PPP2R2B: variants seen among roughly 807,000 people sequenced by gnomAD.
PPP2R2B encodes protein phosphatase 2 regulatory subunit Bbeta, also known as serine/threonine-protein phosphatase 2A 55 kDa regulatory subunit B beta isoform.
Under a neutral mutation model 46.0 loss-of-function variants are expected in PPP2R2B, and 5 were observed. The ratio of observed to expected loss-of-function variants is 0.11; its 90% CI spans 0.06 to 0.23. The LOEUF (loss-of-function observed/expected upper bound fraction) is 0.23, where lower values mean the gene tolerates loss of function less well. Among genes scored for constraint, PPP2R2B ranks in the 10% least tolerant of loss-of-function variants. PPP2R2B has a pLI of 1.00. For synonymous variants in PPP2R2B, 215 were observed against 206.7 expected (o/e 1.04, Z -0.34); for missense variants, 367 against 575.0 (o/e 0.64, Z 3.70).
At chr5:146,663,736 T>G (rs1187257820) in intron 5 of PPP2R2B, among the ~76,000 whole-genome samples, 1 of 152,234 alleles carries the variant, frequency 6.6e-6, no homozygotes, top group African/African-American at 2.4e-5. Flanking sequence ...ATAATCTTTT[T>G]GCGGGTAGAT....
chr5:146,671,030 T>C (rs1777329778), intron 5 of PPP2R2B, among the ~76,000 whole-genome samples: 1 of 152,180 alleles, frequency 6.6e-6, no homozygotes, highest in Non-Finnish European at 1.5e-5. Flanking sequence ...GTAAGTGTTA[T>C]GAGAGAGGTT....
rs544909960 is a variant in PPP2R2B, at chr5:146,947,363, C to T, written c.79+108302G>A. Among the ~76,000 whole-genome samples the T allele has an allele frequency of 3.3e-5, 5 of 152,176 alleles. No homozygotes were observed. In the South Asian group the frequency reaches 1.0e-3, roughly 32 times the overall value. On this transcript the variant is annotated intron_variant, in intron 1 of 8. Transcript: ENST00000336640. ...TGGTTTAGACATCTGTGCAGTCTGCCCTCTAGTGATTGGATCAGGATCAAC... is the reference window on the plus strand; with the variant it reads ...TGGTTTAGACATCTGTGCAGTCTGCTCTCTAGTGATTGGATCAGGATCAAC...
chr5:146,830,268 T>C (rs1252530487), intron 2 of PPP2R2B, among the ~76,000 whole-genome samples: 1 of 152,226 alleles, frequency 6.6e-6, no homozygotes, highest in Non-Finnish European at 1.5e-5. Context: ...AGGAATGTGA[T>C]AAGTAAACTA....
chr5:146,856,253 C>T (rs141740797), intron 2 of PPP2R2B, among the ~76,000 whole-genome samples: 142 of 152,296 alleles, frequency 9.3e-4, no homozygotes, highest in Non-Finnish European at 1.5e-3. Context: ...TCCCCATGTA[C>T]ATTTGGTCAA....
chr5:146,632,572 C>G (rs1359066737), intron 7 of PPP2R2B, among the ~76,000 whole-genome samples: 1 of 152,080 alleles, frequency 6.6e-6, no homozygotes. Context: ...AAGTCCCTGT[C>G]TTCATAAAGA....
chr5:146,905,272 G>C (rs1762960442), intron 1 of PPP2R2B, among the ~76,000 whole-genome samples: 1 of 152,126 alleles, frequency 6.6e-6, no homozygotes, highest in South Asian at 2.1e-4. Flanking sequence ...ATCCACTCCT[G>C]TATATTTATT....
intron 2 of PPP2R2B, among the ~76,000 whole-genome samples, chr5:146,860,684 C>G (rs1402716139): frequency 6.6e-6 from 1 of 152,176 alleles, no homozygotes; most frequent in Admixed American, 6.5e-5. Context: ...ATTAAAACCA[C>G]CCTCTGTGTC....
intron 2 of PPP2R2B, among the ~76,000 whole-genome samples, chr5:146,817,981 C>A (rs2151329197): frequency 6.6e-6 from 1 of 152,346 alleles, no homozygotes; most frequent in Middle Eastern, 3.4e-3. Flanking sequence ...ACCTCATGGC[C>A]TTGCCTATGC....
chr5:146,925,550 T>G (rs1240600215), intron 1 of PPP2R2B, among the ~76,000 whole-genome samples: 2 of 152,206 alleles, frequency 1.3e-5, no homozygotes, highest in African/African-American at 2.4e-5. Flanking sequence ...CTATTCTTCT[T>G]GCTGCTTTCA....
chr5:146,651,634 A>G (rs1291078895), intron 5 of PPP2R2B, among the ~76,000 whole-genome samples: 2 of 152,168 alleles, frequency 1.3e-5, no homozygotes, highest in African/African-American at 4.8e-5. Flanking sequence ...CAAACTAAAA[A>G]AACACCCAAG....
chr5:146,942,715 T>A (rs1764359463), intron 1 of PPP2R2B, among the ~76,000 whole-genome samples: 2 of 152,226 alleles, frequency 1.3e-5, no homozygotes. Flanking sequence ...TTAAAAACTT[T>A]AAATTTATGA....
intron 1 of PPP2R2B, among the ~76,000 whole-genome samples, chr5:146,974,668 A>G (rs1752814863): frequency 6.6e-6 from 1 of 151,910 alleles, no homozygotes; most frequent in Admixed American, 6.6e-5. Context: ...ATTTAAAAAA[A>G]TGTGTATGGT....
intron 2 of PPP2R2B, among the ~76,000 whole-genome samples, chr5:146,804,839 A>G (rs917620479): frequency 1.3e-5 from 2 of 152,230 alleles, no homozygotes; most frequent in Non-Finnish European, 2.9e-5. Context: ...TTCACACTCC[A>G]TGATGAGTCC....
At chr5:146,733,981 A>G (rs1752388028) in intron 2 of PPP2R2B, among the ~76,000 whole-genome samples, 1 of 151,946 alleles carries the variant, frequency 6.6e-6, no homozygotes, top group Non-Finnish European at 1.5e-5. Flanking sequence ...ACATTTATTG[A>G]GCATTTCCAG....
chr5:146,944,432 G>A (rs985611214), intron 1 of PPP2R2B, among the ~76,000 whole-genome samples: 4 of 152,106 alleles, frequency 2.6e-5, no homozygotes, highest in Admixed American at 6.6e-5. Context: ...AACGCCAAAC[G>A]ATTTGAAAGG....
intron 1 of PPP2R2B, among the ~76,000 whole-genome samples, chr5:147,015,958 C>T (rs1013296934): frequency 1.3e-5 from 2 of 151,336 alleles, no homozygotes; most frequent in Non-Finnish European, 2.9e-5. Context: ...TTCTTAAAAA[C>T]ATAATAAATG....
chr5:146,870,979 G>T (rs1761582041), intron 2 of PPP2R2B, among the ~76,000 whole-genome samples: 1 of 152,190 alleles, frequency 6.6e-6, no homozygotes, highest in African/African-American at 2.4e-5. Flanking sequence ...TGAACTTGGA[G>T]CAGGAGAACT....
intron 2 of PPP2R2B, among the ~76,000 whole-genome samples, chr5:147,064,984 C>T (rs1399731425): frequency 6.6e-6 from 1 of 152,264 alleles, no homozygotes; most frequent in African/African-American, 2.4e-5. Context: ...CTTAATCATG[C>T]ATTTATTCAA....
At chr5:146,757,181 G>C (rs1429231476) in intron 2 of PPP2R2B, among the ~76,000 whole-genome samples, 1 of 152,102 alleles carries the variant, frequency 6.6e-6, no homozygotes, top group Non-Finnish European at 1.5e-5. Context: ...TGAGTGGAGA[G>C]GGAGGGAGGT....
Sources: allele counts gnomAD v4.1 joint callset (sites outside exome capture counted in the v4.1 genomes callset), GRCh38; gene constraint gnomAD v4.1.1; transcripts MANE v1.5; gene names NCBI Gene and HGNC (gene_info 2026-07-23, HGNC 2026-07-21).